Variants in PCDHGB3 observed in about 807,000 individuals in gnomAD.
The protein encoded by PCDHGB3 is protocadherin gamma subfamily B, 3.
In PCDHGB3, 40 loss-of-function variants were observed where a neutral mutation model predicts 59.2. That is an observed-to-expected ratio of 0.68 (90% CI 0.52 to 0.88). PCDHGB3 has a LOEUF of 0.88. Ranked by LOEUF, PCDHGB3 falls within the 40% of genes least tolerant of loss-of-function variation. The pLI, the probability that PCDHGB3 is intolerant of heterozygous loss-of-function variation, is 0.00. For missense variants in PCDHGB3, 1,309 were observed against 1,187.9 expected, an observed-to-expected ratio of 1.10 and a Z score of -1.50; for synonymous variants, 581 against 503.6, an observed-to-expected ratio of 1.15 and a Z score of -2.06.
intron 1 of PCDHGB3, chr5:141,479,478 G>T (rs760475025): frequency 2.6e-5 from 4 of 152,408 alleles, no homozygotes; most frequent in African/African-American, 9.6e-5. Context: ...TCTTGGGAGG[G>T]CAGGACCATC....
intron 1 of PCDHGB3, chr5:141,428,257 G>T: frequency 1.2e-6 from 1 of 865,866 alleles, no homozygotes; most frequent in South Asian, 1.4e-5. Context: ...AGACTTCAGT[G>T]ACAGTCCTGT....
chr5:141,409,183 C>G (rs1217234895), intron 1 of PCDHGB3: 6 of 1,614,028 alleles, frequency 3.7e-6, no homozygotes, highest in Non-Finnish European at 5.1e-6. Context: ...GAGGTGGTCT[C>G]TCTACCCAGT....
Position 141,410,368 on chromosome 5 carries a change from T to C in PCDHGB3, c.2415+37559T>C, listed in dbSNP as rs751198926. 5.6e-6 allele frequency: 9 copies of C among 1,613,956 alleles called. No homozygotes were observed. The African/African-American group carries it at 1.2e-4, about 22-fold the overall frequency. On this transcript the variant is annotated intron_variant, in intron 1 of 3. Coordinates refer to ENST00000576222, the MANE Select transcript of PCDHGB3 (RefSeq NM_018924.5). Reference sequence around the variant, plus strand: ...GCCTGCGACGCTCTCTCAGCCCTGCTACTTGGGACTGCTTCCATCCTGGTC... The same window carrying C: ...GCCTGCGACGCTCTCTCAGCCCTGCCACTTGGGACTGCTTCCATCCTGGTC...
At chr5:141,458,513 G>GT (rs537551567) in intron 1 of PCDHGB3, among the ~76,000 whole-genome samples, 9,886 of 146,106 alleles carry the variant, frequency 0.068, 671 homozygotes, top group African/African-American at 0.18. Flanking sequence ...TTGACACTTT[G>GT]TTTTTTTTTT....
chr5:141,447,427 C>T (rs752438597), intron 1 of PCDHGB3, among the ~76,000 whole-genome samples: 2 of 152,174 alleles, frequency 1.3e-5, no homozygotes, highest in Non-Finnish European at 2.9e-5. Context: ...CGTGAGCCAC[C>T]GCACCCGGAG....
In PCDHGB3 at chr5:141,418,400, G is replaced by C; in HGVS notation, c.2415+45591G>C. ...AAGTCCTAACGAGTATTTCTCATTGGTGGAGAAAGACAATCCTGATGGTGG... is the reference window on the plus strand; with the variant it reads ...AAGTCCTAACGAGTATTTCTCATTGCTGGAGAAAGACAATCCTGATGGTGG... On this transcript the variant is annotated intron_variant, in intron 1 of 3. Coordinates refer to ENST00000576222, the MANE Select transcript of PCDHGB3 (RefSeq NM_018924.5). The C allele has an allele frequency of 6.2e-7, 1 of 1,613,900 alleles. No homozygotes were observed. The highest frequency in any genetic ancestry group is 8.5e-7 in the Non-Finnish European group (1 of 1,179,794).
chr5:141,399,421 A>G lies in PCDHGB3; in HGVS notation c.2415+26612A>G, dbSNP rs1444290267. On this transcript the variant is annotated intron_variant, in intron 1 of 3. Coordinates refer to ENST00000576222, the MANE Select transcript of PCDHGB3 (RefSeq NM_018924.5). ...GGGCAAGCCGCCCCTCTCCTCCAGCATAAGCGTCATCCTACATATCAGAGA... is the reference window on the plus strand; with the variant it reads ...GGGCAAGCCGCCCCTCTCCTCCAGCGTAAGCGTCATCCTACATATCAGAGA... 1.2e-6 allele frequency: 2 copies of G among 1,614,036 alleles called. No homozygotes were observed. Among genetic ancestry groups the G allele is most frequent in the Middle Eastern group, 1.6e-4 (1 of 6,062 alleles).
Position 141,370,484 on chromosome 5 carries a change from C to T in PCDHGB3, c.90C>T (p.Ser30=), listed in dbSNP as rs750551260. Reference sequence around the variant, plus strand: ...TCTCTTTGTTAGACCAGGCTCTCTCCGAACCGATCCGCTACGCTATTCCCG... The same window carrying T: ...TCTCTTTGTTAGACCAGGCTCTCTCTGAACCGATCCGCTACGCTATTCCCG... The part of the protein sequence containing the change: ...FLLSLLDQAL[S]EPIRYAIPEE... Residue 30 remains serine (S), a synonymous_variant, in exon 1 of 4, where the codon TCC becomes TCT. Transcript: ENST00000576222. 1.2e-6 allele frequency: 2 copies of T among 1,613,746 alleles called. No homozygotes were observed. Among genetic ancestry groups the T allele is most frequent in the African/African-American group, 2.7e-5 (2 of 74,922 alleles).
At chr5:141,386,536 G>C (rs919634660) in intron 1 of PCDHGB3, among the ~76,000 whole-genome samples, 6 of 151,656 alleles carry the variant, frequency 4.0e-5, no homozygotes, top group Admixed American at 6.6e-5. Flanking sequence ...TTTTAGACTA[G>C]TGTTGTATTT....
Position 141,415,188 on chromosome 5 carries a change from C to G in PCDHGB3, c.2415+42379C>G, listed in dbSNP as rs2095841560. On this transcript the variant is annotated intron_variant, in intron 1 of 3. Coordinates refer to ENST00000576222, the MANE Select transcript of PCDHGB3 (RefSeq NM_018924.5). Reference sequence around the variant, plus strand: ...CGCTCACCGTGGCCGTGGCCGACAGCATCCCCCAAGTCCTGGCGGACCTCG... The same window carrying G: ...CGCTCACCGTGGCCGTGGCCGACAGGATCCCCCAAGTCCTGGCGGACCTCG... 3 of 1,614,006 alleles carry G rather than the reference C, an allele frequency of 1.9e-6. No homozygotes were observed. The East Asian group carries it at 6.7e-5, about 36-fold the overall frequency.
chr5:141,458,413 G>T lies in PCDHGB3; in HGVS notation c.2416-36394G>T, dbSNP rs138479316. On this transcript the variant is annotated intron_variant, in intron 1 of 3. Coordinates refer to ENST00000576222, the MANE Select transcript of PCDHGB3 (RefSeq NM_018924.5). ...TCCCCCTTGCAGAGACGGAGCGGGG[G>T]TTCCAAAGCTGAAAGAGGAGGTCCC... Among the ~76,000 whole-genome samples the T allele has an allele frequency of 9.0e-4, 137 of 152,196 alleles. 5 individuals carry two copies. The East Asian group carries it at 0.026, about 28-fold the overall frequency.
At chr5:141,429,469 T>C (rs547784462) in intron 1 of PCDHGB3, among the ~76,000 whole-genome samples, 4 of 151,932 alleles carry the variant, frequency 2.6e-5, no homozygotes, top group African/African-American at 4.8e-5. Context: ...CCCACCTCAA[T>C]CTCCAGAGTA....
intron 1 of PCDHGB3, among the ~76,000 whole-genome samples, chr5:141,447,761 T>C (rs2098551051): frequency 1.3e-5 from 2 of 152,186 alleles, no homozygotes; most frequent in African/African-American, 4.8e-5. Context: ...TGACTGTATA[T>C]AAATTATACT....
chr5:141,418,360 G>T (rs544948410), intron 1 of PCDHGB3: 4 of 1,613,990 alleles, frequency 2.5e-6, no homozygotes, highest in Non-Finnish European at 3.4e-6. Flanking sequence ...TGAATTCGCT[G>T]AGCAAATACC....
At chr5:141,420,725 C>T (rs1468308275) in intron 1 of PCDHGB3, among the ~76,000 whole-genome samples, 1 of 152,188 alleles carries the variant, frequency 6.6e-6, no homozygotes, top group African/African-American at 2.4e-5. Flanking sequence ...TCCTTTCAGT[C>T]GGTTAAAATC....
At chr5:141,405,369 T>C in intron 1 of PCDHGB3, 3 of 1,606,526 alleles carry the variant, frequency 1.9e-6, no homozygotes, top group Non-Finnish European at 2.5e-6. Context: ...GACACCCCTT[T>C]GGTTCCGGTG....
At chr5:141,479,084 G>A (rs749298402) in intron 1 of PCDHGB3, among the ~76,000 whole-genome samples, 19 of 152,016 alleles carry the variant, frequency 1.2e-4, no homozygotes, top group Non-Finnish European at 1.9e-4. Flanking sequence ...GAAATTCCAG[G>A]CATCCTTTAA....
intron 1 of PCDHGB3, chr5:141,393,545 C>CCCGATTTA (rs1171677857): frequency 1.2e-6 from 2 of 1,613,858 alleles, no homozygotes; most frequent in African/African-American, 1.3e-5. Context: ...TTTTTCCTCA[C>CCCGATTTA]CCGATTTACC....
chr5:141,438,631 TATATACACACAC>T (rs1290318462), intron 1 of PCDHGB3, among the ~76,000 whole-genome samples: 214 of 43,192 alleles, frequency 5.0e-3, no homozygotes, highest in Non-Finnish European at 6.1e-3. Flanking sequence ...TATATATATA[TATATACACACAC>T]ACACACACAT....
Sources: allele counts gnomAD v4.1 joint callset (sites outside exome capture counted in the v4.1 genomes callset), GRCh38; gene constraint gnomAD v4.1.1; transcripts MANE v1.5; gene names NCBI Gene and HGNC (gene_info 2026-07-23, HGNC 2026-07-21).